The following RNF121 variants were observed in gnomAD, a reference collection of about 807,000 sequenced individuals.
RNF121 encodes E3 ubiquitin ligase RNF121.
A neutral mutation model predicts 46.5 loss-of-function variants in RNF121; 21 were observed. The ratio of observed to expected loss-of-function variants is 0.45; its 90% CI spans 0.32 to 0.65. The LOEUF is 0.65. Ranked by LOEUF, RNF121 falls within the 30% of genes least tolerant of loss-of-function variation. The pLI is 0.04. For synonymous variants in RNF121, 139 were observed against 144.7 expected (o/e 0.96, Z 0.28); for missense variants, 346 against 416.0 (o/e 0.83, Z 1.46).
chr11:71,929,579 G>C (rs1034450064), intron 1 of RNF121, among the ~76,000 whole-genome samples: 3 of 152,228 alleles, frequency 2.0e-5, no homozygotes, highest in Middle Eastern at 3.4e-3. Context: ...GTATAGCTTT[G>C]AGTTATCTTA....
intron 1 of RNF121, among the ~76,000 whole-genome samples, chr11:71,950,890 G>A (rs561890787): frequency 7.6e-4 from 116 of 152,286 alleles, no homozygotes; most frequent in African/African-American, 2.5e-3. Flanking sequence ...TTTGGAGTTA[G>A]ACAGATTTTA....
At chr11:71,948,903 A>G (rs966370471) in intron 1 of RNF121, among the ~76,000 whole-genome samples, 2 of 150,514 alleles carry the variant, frequency 1.3e-5, no homozygotes, top group Admixed American at 1.3e-4. Context: ...TCTGAACCCC[A>G]CCAGATAGAG....
intron 1 of RNF121, among the ~76,000 whole-genome samples, chr11:71,948,605 G>A (rs1186024766): frequency 6.7e-6 from 1 of 149,052 alleles, no homozygotes; most frequent in East Asian, 2.0e-4. Context: ...AGGGCAGGCA[G>A]CAGCTGTAGC....
chr11:71,931,314 C>T (rs1953272778), intron 1 of RNF121, among the ~76,000 whole-genome samples: 1 of 152,112 alleles, frequency 6.6e-6, no homozygotes, highest in Non-Finnish European at 1.5e-5. Flanking sequence ...TGTTTCATTT[C>T]CTGAGAAAAG....
intron 1 of RNF121, among the ~76,000 whole-genome samples, chr11:71,929,905 G>A (rs1029830179): frequency 1.3e-5 from 2 of 152,144 alleles, no homozygotes; most frequent in Non-Finnish European, 2.9e-5. Flanking sequence ...GATAGGGAAG[G>A]CTTCCCGGAG....
intron 1 of RNF121, among the ~76,000 whole-genome samples, chr11:71,944,763 T>A (rs1452501836): frequency 6.6e-6 from 1 of 152,152 alleles, no homozygotes; most frequent in Non-Finnish European, 1.5e-5. Flanking sequence ...CTGGATTAAG[T>A]TTGTAGACTG....
chr11:71,934,429 C>T (rs1953353330), intron 1 of RNF121, among the ~76,000 whole-genome samples: 1 of 152,216 alleles, frequency 6.6e-6, no homozygotes, highest in Non-Finnish European at 1.5e-5. Flanking sequence ...CTCCTCTTCC[C>T]ACTAGGTTGG....
At chr11:71,979,395 C>G (rs1954597697) in intron 3 of RNF121, among the ~76,000 whole-genome samples, 1 of 152,200 alleles carries the variant, frequency 6.6e-6, no homozygotes, top group Admixed American at 6.5e-5. Context: ...TCTGTCTCCC[C>G]TTTTCTCCCT....
At chr11:71,941,758 A>T (rs1253097843) in intron 1 of RNF121, among the ~76,000 whole-genome samples, 1 of 152,204 alleles carries the variant, frequency 6.6e-6, no homozygotes, top group African/African-American at 2.4e-5. Context: ...AGTACAAATT[A>T]ATGGGAATGA....
intron 1 of RNF121, among the ~76,000 whole-genome samples, chr11:71,945,775 G>C (rs1267989240): frequency 6.8e-6 from 1 of 146,612 alleles, no homozygotes; most frequent in Non-Finnish European, 1.5e-5. Context: ...AAGATATAAA[G>C]AGCTTTTACA....
chr11:71,954,533 G>A (rs943083963), intron 1 of RNF121, among the ~76,000 whole-genome samples: 1 of 152,168 alleles, frequency 6.6e-6, no homozygotes, highest in Non-Finnish European at 1.5e-5. Flanking sequence ...TTGCCAGGAG[G>A]AAAGGCAGTG....
intron 1 of RNF121, among the ~76,000 whole-genome samples, chr11:71,942,057 C>T (rs1013392296): frequency 6.6e-6 from 1 of 151,690 alleles, no homozygotes; most frequent in African/African-American, 2.4e-5. Flanking sequence ...CTCAGCCTCC[C>T]GAGTAGCTGG....
chr11:71,952,072 T>C, intron 1 of RNF121, among the ~76,000 whole-genome samples: 1 of 152,336 alleles, frequency 6.6e-6, no homozygotes, highest in East Asian at 1.9e-4. Flanking sequence ...AAACAATGCC[T>C]ACATTCATCA....
chr11:71,983,861 T>C (rs1040572991), intron 4 of RNF121: 2 of 152,396 alleles, frequency 1.3e-5, no homozygotes, highest in African/African-American at 4.8e-5. Flanking sequence ...GTCTTTCAAA[T>C]TGTAGATTGC....
intron 1 of RNF121, among the ~76,000 whole-genome samples, chr11:71,943,536 A>G (rs1953638903): frequency 6.6e-6 from 1 of 152,224 alleles, no homozygotes; most frequent in Non-Finnish European, 1.5e-5. Flanking sequence ...TCACTTGTTT[A>G]TTGATTGGTC....
At chr11:71,983,816 T>C (rs1051043605) in intron 4 of RNF121, 1 of 152,242 alleles carries the variant, frequency 6.6e-6, no homozygotes, top group Non-Finnish European at 1.5e-5. Context: ...AGAGCTTGAC[T>C]GGCCAGCCTC....
At chr11:71,948,689 G>A (rs913314994) in intron 1 of RNF121, among the ~76,000 whole-genome samples, 1 of 152,134 alleles carries the variant, frequency 6.6e-6, no homozygotes, top group African/African-American at 2.4e-5. Flanking sequence ...ACCATATCCA[G>A]TGTCTGCATG....
chr11:71,985,565 C>G (rs1024582422), intron 4 of RNF121, among the ~76,000 whole-genome samples: 19 of 152,154 alleles, frequency 1.2e-4, no homozygotes, highest in Non-Finnish European at 2.5e-4. Flanking sequence ...GGACCTTTCC[C>G]TAGCCTGAGA....
chr11:71,977,922 A>G (rs1323102980), intron 3 of RNF121, among the ~76,000 whole-genome samples: 1 of 152,242 alleles, frequency 6.6e-6, no homozygotes, highest in African/African-American at 2.4e-5. Context: ...GTGTCTCCAT[A>G]AATGTTGCCA....
Sources: allele counts gnomAD v4.1 joint callset (sites outside exome capture counted in the v4.1 genomes callset), GRCh38; gene constraint gnomAD v4.1.1; transcripts MANE v1.5; gene names NCBI Gene and HGNC (gene_info 2026-07-23, HGNC 2026-07-21).